Variants in CRPPA observed in about 807,000 individuals in gnomAD.
The protein encoded by CRPPA is D-ribitol-5-phosphate cytidylyltransferase.
In CRPPA, 43 loss-of-function variants were observed where a neutral mutation model predicts 52.0. The ratio of observed to expected loss-of-function variants is 0.83; its 90% CI spans 0.65 to 1.07. The LOEUF (loss-of-function observed/expected upper bound fraction) is 1.07. CRPPA is among the 50% of genes least tolerant of loss of function. The pLI, the probability that CRPPA is intolerant of heterozygous loss-of-function variation, is 0.00. For synonymous variants in CRPPA, 250 were observed against 203.5 expected (o/e 1.23, Z -1.94); for missense variants, 629 against 551.7 (o/e 1.14, Z -1.40).
At chr7:16,135,282 T>C (rs777916712) in intron 9 of CRPPA, among the ~76,000 whole-genome samples, 1 of 152,220 alleles carries the variant, frequency 6.6e-6, no homozygotes, top group Non-Finnish European at 1.5e-5. Flanking sequence ...AGCAAAATGT[T>C]AACATATACC....
chr7:16,299,607 G>A (rs1012112959), intron 5 of CRPPA, among the ~76,000 whole-genome samples: 1 of 152,102 alleles, frequency 6.6e-6, no homozygotes, highest in African/African-American at 2.4e-5. Flanking sequence ...CTCCTGGGAA[G>A]TTATTAGATA....
chr7:16,243,115 A>G (rs1783171463), intron 8 of CRPPA, among the ~76,000 whole-genome samples: 2 of 152,146 alleles, frequency 1.3e-5, no homozygotes, highest in Admixed American at 6.5e-5. Flanking sequence ...CAATTGAAAC[A>G]TGGGGGTGGT....
intron 9 of CRPPA, among the ~76,000 whole-genome samples, chr7:16,176,227 A>G (rs1781293663): frequency 6.6e-6 from 1 of 152,190 alleles, no homozygotes; most frequent in African/African-American, 2.4e-5. Flanking sequence ...AAAATAACAA[A>G]ATATTTAAAG....
Position 16,204,488 on chromosome 7 carries a change from G to A in CRPPA, c.1251+11578C>T, listed in dbSNP as rs368675147. 1.9e-4 allele frequency among the ~76,000 whole-genome samples: 29 copies of A among 152,174 alleles called. No individual in the cohort carries two copies. The South Asian group carries it at 5.6e-3, about 29-fold the overall frequency. On this transcript the variant is annotated intron_variant, in intron 9 of 9. Coordinates refer to ENST00000407010, the MANE Select transcript of CRPPA (RefSeq NM_001101426.4). ...CTTGGAAGCAGGGAAGTGGGGTAAG[G>A]GGGAAATTGATGAGAAACGACATAA... is the stretch of plus-strand genomic sequence containing the variant.
intron 2 of CRPPA, among the ~76,000 whole-genome samples, chr7:16,395,622 C>A (rs534495688): frequency 1.2e-3 from 176 of 152,290 alleles, no homozygotes; most frequent in South Asian, 3.3e-3. Flanking sequence ...TTAGAAAAAT[C>A]TTTATTCATA....
intron 9 of CRPPA, among the ~76,000 whole-genome samples, chr7:16,107,415 A>G (rs1212786963): frequency 6.6e-6 from 1 of 152,184 alleles, no homozygotes; most frequent in Non-Finnish European, 1.5e-5. Context: ...TGTGACTATA[A>G]GCAGATTTCT....
chr7:16,200,539 A>T (rs1337685546), intron 9 of CRPPA, among the ~76,000 whole-genome samples: 1 of 152,214 alleles, frequency 6.6e-6, no homozygotes, highest in Non-Finnish European at 1.5e-5. Context: ...GTGACACATA[A>T]AAGTTCAATT....
intron 9 of CRPPA, among the ~76,000 whole-genome samples, chr7:16,127,348 T>C (rs1267001478): frequency 6.6e-6 from 1 of 151,846 alleles, no homozygotes; most frequent in Non-Finnish European, 1.5e-5. Flanking sequence ...TGTAGGCTAA[T>C]GTAACAAGAA....
At position 16,286,070 on chromosome 7, in the gene CRPPA, T is replaced by TTTAAA. The variant is rs1562608552; in HGVS notation, c.836-7845_836-7844insTTTAA. On this transcript the variant is annotated intron_variant, in intron 5 of 9. Coordinates refer to ENST00000407010, the MANE Select transcript of CRPPA (RefSeq NM_001101426.4). ...ATATATATATATATATATATATATA[T>TTTAAA]ATATATATATAATATTTAAAAAAAA... Among the ~76,000 whole-genome samples the TTTAAA allele has an allele frequency of 1.3e-3, 28 of 21,772 alleles. 2 individuals carry two copies. Among genetic ancestry groups the TTTAAA allele is most frequent in the African/African-American group, 8.8e-3 (28 of 3,186 alleles). The allele number at this position is 21,772 out of a possible 152,430, so 14.3% of individuals were successfully genotyped here.
intron 9 of CRPPA, among the ~76,000 whole-genome samples, chr7:16,203,465 T>C (rs1781903716): frequency 1.3e-5 from 2 of 152,180 alleles, no homozygotes; most frequent in Non-Finnish European, 2.9e-5. Flanking sequence ...CTATGGTTTT[T>C]AGTGAAAATA....
chr7:16,387,204 C>T (rs1293211046), intron 2 of CRPPA, among the ~76,000 whole-genome samples: 1 of 150,200 alleles, frequency 6.7e-6, no homozygotes, highest in Non-Finnish European at 1.5e-5. Flanking sequence ...GCAGTTTTTA[C>T]CATTACTTTC....
At chr7:16,237,020 A>G (rs1782971622) in intron 8 of CRPPA, among the ~76,000 whole-genome samples, 2 of 152,050 alleles carry the variant, frequency 1.3e-5, no homozygotes, top group Admixed American at 6.6e-5. Flanking sequence ...TTGCCAAAAA[A>G]TCTGGGATCT....
chr7:16,284,258 T>G (rs924686082), intron 5 of CRPPA, among the ~76,000 whole-genome samples: 3 of 152,048 alleles, frequency 2.0e-5, no homozygotes, highest in African/African-American at 7.2e-5. Context: ...TACAATGATT[T>G]TAAGATTCAT....
At chr7:16,363,289 G>A (rs143184359) in intron 3 of CRPPA, among the ~76,000 whole-genome samples, 360 of 152,242 alleles carry the variant, frequency 2.4e-3, no homozygotes, top group Non-Finnish European at 4.4e-3. Flanking sequence ...ACACAGTTTT[G>A]CACTGCAAGT....
intron 8 of CRPPA, among the ~76,000 whole-genome samples, chr7:16,249,001 C>G (rs965407554): frequency 6.6e-6 from 1 of 152,184 alleles, no homozygotes; most frequent in African/African-American, 2.4e-5. Context: ...GTACAGCAGT[C>G]TGAGATCGAC....
chr7:16,193,704 G>A (rs1693286682), intron 9 of CRPPA, among the ~76,000 whole-genome samples: 1 of 152,112 alleles, frequency 6.6e-6, no homozygotes, highest in Non-Finnish European at 1.5e-5. Flanking sequence ...ATATAGGTAT[G>A]TATACACACA....
rs373072535 is a variant in CRPPA, at chr7:16,254,771, C to CAGAAAGAAAGAA, written c.1119+3607_1119+3618dup. On this transcript the variant is annotated intron_variant, in intron 8 of 9. Coordinates refer to ENST00000407010, the MANE Select transcript of CRPPA (RefSeq NM_001101426.4). ...ACAGAAAGAAAGAAAGACAGACACA[C>CAGAAAGAAAGAA]AGAAAGAAAGAAAGAAAGAAGGAAA... 5.0e-3 allele frequency among the ~76,000 whole-genome samples: 551 copies of CAGAAAGAAAGAA among 110,874 alleles called. 8 individuals are homozygous for CAGAAAGAAAGAA. Among genetic ancestry groups the CAGAAAGAAAGAA allele is most frequent in the Middle Eastern group, 0.021 (5 of 234 alleles). 72.7% of individuals were successfully genotyped at this position (110,874 alleles called of 152,430 possible). A position where few individuals can be genotyped will look rare whatever the true frequency, so the allele number is the denominator to read the frequency against.
intron 3 of CRPPA, among the ~76,000 whole-genome samples, chr7:16,335,820 T>C (rs1019056022): frequency 6.6e-6 from 1 of 152,026 alleles, no homozygotes; most frequent in Non-Finnish European, 1.5e-5. Flanking sequence ...CCAAGACACA[T>C]CTTAATCAAA....
intron 9 of CRPPA, among the ~76,000 whole-genome samples, chr7:16,199,518 A>C (rs968957530): frequency 3.9e-5 from 6 of 152,220 alleles, no homozygotes; most frequent in Admixed American, 1.3e-4. Context: ...AAGAATTCTA[A>C]GTACTAACTC....
Sources: allele counts gnomAD v4.1 joint callset (sites outside exome capture counted in the v4.1 genomes callset), GRCh38; gene constraint gnomAD v4.1.1; transcripts MANE v1.5; gene names NCBI Gene and HGNC (gene_info 2026-07-23, HGNC 2026-07-21).